The following CACHD1 variants were observed in gnomAD, a reference collection of about 807,000 sequenced individuals.
CACHD1 encodes the protein cache domain containing 1.
CACHD1 carries 71 observed loss-of-function variants against 138.7 expected under a neutral mutation model. The observed-to-expected ratio is 0.51, with a 90% CI of 0.42 to 0.62. The LOEUF (loss-of-function observed/expected upper bound fraction) is 0.62, where lower values mean the gene tolerates loss of function less well. Ranked by LOEUF, CACHD1 falls within the 20% of genes least tolerant of loss-of-function variation. The pLI, the probability that CACHD1 is intolerant of heterozygous loss-of-function variation, is 0.00. For missense variants in CACHD1, 1,389 were observed against 1,625.3 expected (o/e 0.85, Z 2.50); for synonymous variants, 578 against 591.5 (o/e 0.98, Z 0.33).
intron 2 of CACHD1, among the ~76,000 whole-genome samples, chr1:64,561,055 T>C (rs1318116528): frequency 6.6e-6 from 1 of 152,164 alleles, no homozygotes; most frequent in African/African-American, 2.4e-5. Context: ...CAATTATAGA[T>C]AGCATATAGA....
intron 10 of CACHD1, among the ~76,000 whole-genome samples, chr1:64,653,386 T>TAAAAAA (rs60661882): frequency 9.2e-6 from 1 of 108,474 alleles, no homozygotes; most frequent in Non-Finnish European, 2.1e-5. Flanking sequence ...TAAAAGAAGT[T>TAAAAAA]AAAAAAAAAA....
intron 1 of CACHD1, among the ~76,000 whole-genome samples, chr1:64,486,225 A>G (rs958840397): frequency 2.0e-5 from 3 of 152,210 alleles, no homozygotes; most frequent in African/African-American, 7.2e-5. Context: ...CGATTTTTAA[A>G]TAATTTAATG....
intron 1 of CACHD1, among the ~76,000 whole-genome samples, chr1:64,518,121 G>A (rs1992098): frequency 0.78 from 117,950 of 152,056 alleles, 47,417 homozygotes; most frequent in Non-Finnish European, 0.88. Context: ...ATCTCCTTAC[G>A]GTGAGAGGGA....
intron 9 of CACHD1, among the ~76,000 whole-genome samples, chr1:64,651,090 T>C (rs920674462): frequency 1.3e-5 from 2 of 152,094 alleles, no homozygotes; most frequent in Non-Finnish European, 2.9e-5. Context: ...AATTATCCTA[T>C]TGTTGTTGTT....
intron 26 of CACHD1, among the ~76,000 whole-genome samples, chr1:64,683,580 A>G (rs1179776509): frequency 6.6e-6 from 1 of 152,234 alleles, no homozygotes; most frequent in East Asian, 1.9e-4. Context: ...AAAATGGCAT[A>G]TGAAGCAACA....
At chr1:64,602,693 A>G (rs1370920853) in intron 3 of CACHD1, 113 bp from the exon 4 acceptor site, 2 of 681,620 alleles carry the variant, frequency 2.9e-6, no homozygotes, top group East Asian at 2.9e-5. Context: ...AATCTAAATC[A>G]TAGTTGTACT....
intron 2 of CACHD1, among the ~76,000 whole-genome samples, chr1:64,572,512 G>A (rs969441703): frequency 6.6e-6 from 1 of 152,102 alleles, no homozygotes; most frequent in African/African-American, 2.4e-5. Context: ...AGGCTTGGGT[G>A]TGTATTGCAG....
intron 2 of CACHD1, among the ~76,000 whole-genome samples, chr1:64,561,552 T>C (rs1373619788): frequency 1.3e-5 from 2 of 152,208 alleles, no homozygotes; most frequent in South Asian, 4.1e-4. Context: ...TTATTTCTTG[T>C]ATACAGAAAA....
chr1:64,496,956 G>T (rs951239312), intron 1 of CACHD1, among the ~76,000 whole-genome samples: 1 of 151,596 alleles, frequency 6.6e-6, no homozygotes, highest in Non-Finnish European at 1.5e-5. Flanking sequence ...ACATTTTCAA[G>T]ATTAAAGGAG....
At chr1:64,590,047 C>T (rs1288236707) in intron 3 of CACHD1, among the ~76,000 whole-genome samples, 1 of 152,136 alleles carries the variant, frequency 6.6e-6, no homozygotes, top group Non-Finnish European at 1.5e-5. Flanking sequence ...GTGGCTCACG[C>T]CTGTAATCCC....
chr1:64,579,698 A>T (rs2100532296), intron 2 of CACHD1: 1 of 152,398 alleles, frequency 6.6e-6, no homozygotes, highest in South Asian at 2.1e-4. Flanking sequence ...GTTGATTATT[A>T]GAACAGAAGA....
chr1:64,530,644 G>A (rs1021044185), intron 1 of CACHD1, among the ~76,000 whole-genome samples: 1 of 152,086 alleles, frequency 6.6e-6, no homozygotes, highest in Non-Finnish European at 1.5e-5. Flanking sequence ...GCCGAGGTGG[G>A]CGGATCACCT....
At chr1:64,619,009 C>T (rs1004909122) in intron 4 of CACHD1, among the ~76,000 whole-genome samples, 1 of 152,098 alleles carries the variant, frequency 6.6e-6, no homozygotes, top group Non-Finnish European at 1.5e-5. Context: ...TTGAGAAAAA[C>T]AGAAGTCGCA....
At chr1:64,519,497 C>T (rs1557472547) in intron 1 of CACHD1, among the ~76,000 whole-genome samples, 2 of 152,140 alleles carry the variant, frequency 1.3e-5, no homozygotes, top group South Asian at 2.1e-4. Context: ...TGATTTTATT[C>T]TAATAATGTA....
At chr1:64,494,943 T>G in intron 1 of CACHD1, among the ~76,000 whole-genome samples, 1 of 152,166 alleles carries the variant, frequency 6.6e-6, no homozygotes, top group East Asian at 1.9e-4. Context: ...CATTAATTGA[T>G]TCAGCATTTA....
intron 3 of CACHD1, among the ~76,000 whole-genome samples, chr1:64,599,855 C>G (rs1330578539): frequency 2.0e-5 from 3 of 152,106 alleles, no homozygotes; most frequent in African/African-American, 7.2e-5. Context: ...AGGGGTGATG[C>G]TGAAAGCGAC....
intron 1 of CACHD1, among the ~76,000 whole-genome samples, chr1:64,486,156 A>G (rs995092903): frequency 6.6e-6 from 1 of 152,154 alleles, no homozygotes; most frequent in African/African-American, 2.4e-5. Flanking sequence ...TGCCATTAGT[A>G]TATCTTTTTT....
At chr1:64,669,691 A>AT (rs11434637) in intron 16 of CACHD1, among the ~76,000 whole-genome samples, 33,630 of 148,322 alleles carry the variant, frequency 0.23, 6,209 homozygotes, top group East Asian at 0.74. Flanking sequence ...GTTTGGTGTG[A>AT]TTTTTTTTTT....
intron 1 of CACHD1, among the ~76,000 whole-genome samples, chr1:64,472,756 A>C (rs1193633932): frequency 1.3e-5 from 2 of 152,168 alleles, no homozygotes; most frequent in Admixed American, 1.3e-4. Context: ...AAGGAAACTT[A>C]ATATATTGGA....
Sources: gnomAD v4.1 joint callset for allele counts (sites outside exome capture counted in the v4.1 genomes callset) on GRCh38, gnomAD v4.1.1 for gene constraint, MANE v1.5 for transcripts, NCBI Gene and HGNC (gene_info 2026-07-23, HGNC 2026-07-21) for gene names.